TEX19: variants seen among roughly 807,000 people sequenced by gnomAD.
TEX19 encodes the protein testis-expressed protein 19.
For missense variants in TEX19, 184 were observed against 194.4 expected (o/e 0.95, Z 0.32); for synonymous variants, 77 against 73.9 (o/e 1.04, Z -0.21).
chr17:82,359,890 C>T (rs1377931790), intron 1 of TEX19, among the ~76,000 whole-genome samples: 1 of 142,752 alleles, frequency 7.0e-6, no homozygotes, highest in Non-Finnish European at 1.5e-5. Flanking sequence ...CCCTCGGGTT[C>T]CCCCAGTTTC....
chr17:82,361,879 G>T lies in TEX19; in HGVS notation c.-271-1G>T. 1.3e-6 allele frequency: 1 copy of T among 761,668 alleles called. No homozygotes were observed. Among genetic ancestry groups the T allele is most frequent in the South Asian group, 2.8e-5 (1 of 36,226 alleles). The allele number at this position is 761,668 out of a possible 1,614,324, so 47.2% of individuals were successfully genotyped here. On this transcript the variant is annotated splice_acceptor_variant, in intron 1 of 1. Transcript: ENST00000333437. LOFTEE classifies it low-confidence loss of function (5UTR_SPLICE). ...TAACCTCCCTTCCTTTGCCTTTCCAGCTCTCCTGAGACCACAGCAACTGCA... is the reference window on the plus strand; with the variant it reads ...TAACCTCCCTTCCTTTGCCTTTCCATCTCTCCTGAGACCACAGCAACTGCA...
At position 82,362,064 on chromosome 17, in the gene TEX19, G is replaced by A. The variant is rs1242036167; in HGVS notation, c.-87G>A. 25 of 1,500,708 alleles carry A rather than the reference G, an allele frequency of 1.7e-5. No individual in the cohort carries two copies. The East Asian group carries it at 5.4e-4, about 33-fold the overall frequency. 93.0% of individuals were successfully genotyped at this position (1,500,708 alleles called of 1,614,324 possible). On this transcript the variant is annotated 5_prime_UTR_variant, in exon 2 of 2. Coordinates refer to ENST00000333437, the MANE Select transcript of TEX19 (RefSeq NM_207459.4). The surrounding 1 kb of genome is among the most constrained non-coding windows in gnomAD (Gnocchi z 5.5). The stretch of plus-strand genomic sequence containing the variant: ...ATCCCTGCCGCCCAGCATCCTACTG[G>A]CCTCAGCACCTGTGGCCAGACCGTC...
At chr17:82,360,885 C>T (rs2052383621) in intron 1 of TEX19, among the ~76,000 whole-genome samples, 3 of 135,816 alleles carry the variant, frequency 2.2e-5, no homozygotes, top group East Asian at 2.3e-4. Flanking sequence ...CAGGTTCCCT[C>T]AGTTTCCCCC....
At position 82,362,282 on chromosome 17, in the gene TEX19, C is replaced by G; in HGVS notation, c.132C>G (p.Asp44Glu). Residue 44 changes from aspartate (D) to glutamate (E), a missense_variant, in exon 2 of 2, where the codon GAC becomes GAG. By Grantham distance (45) the Asp-to-Glu change is conservative (BLOSUM62 2). Transcript: ENST00000333437. The surrounding 1 kb of genome is among the most constrained non-coding windows in gnomAD (Gnocchi z 5.5). The part of the protein sequence containing the change: ...CFTCFKAAFL[D>E]FKDLLESEDW... The stretch of plus-strand genomic sequence containing the variant: ...CCTGCTTCAAGGCTGCCTTTCTAGA[C>G]TTTAAAGACTTGCTGGAGTCAGAGG... The G allele has an allele frequency of 6.2e-7, 1 of 1,614,030 alleles. No homozygotes were observed. Among genetic ancestry groups the G allele is most frequent in the Non-Finnish European group, 8.5e-7 (1 of 1,179,994 alleles).
At position 82,362,330 on chromosome 17, in the gene TEX19, C is replaced by T. The variant is rs781165549; in HGVS notation, c.180C>T (p.Asp60=). The part of the protein sequence containing the change: ...ESEDWEEDNW[D]PELMEHTEAE... Reference sequence around the variant, plus strand: ...AGGACTGGGAAGAAGACAACTGGGACCCTGAGCTGATGGAGCACACTGAGG... The same window carrying T: ...AGGACTGGGAAGAAGACAACTGGGATCCTGAGCTGATGGAGCACACTGAGG... The change falls in exon 2 of 2, where the codon GAC becomes GAT. Residue 60 remains aspartate, a synonymous_variant. Coordinates refer to ENST00000333437, the MANE Select transcript of TEX19 (RefSeq NM_207459.4). This position sits in a 1 kb window ranked among gnomAD's most constrained non-coding sequence, Gnocchi z 5.5. 9 of 1,613,866 alleles carry T rather than the reference C, an allele frequency of 5.6e-6. No homozygotes were observed. The highest frequency in any genetic ancestry group is 6.8e-6 in the Non-Finnish European group (8 of 1,180,042).
chr17:82,360,270 A>T (rs111219129), intron 1 of TEX19, among the ~76,000 whole-genome samples: 2 of 91,856 alleles, frequency 2.2e-5, no homozygotes, highest in African/African-American at 4.7e-5. Flanking sequence ...AGGTTCCCTC[A>T]GGTTCCCCCA....
intron 1 of TEX19, 58 bp from the exon 2 acceptor site, chr17:82,361,822 A>G (rs1450864027): frequency 2.7e-6 from 3 of 1,091,220 alleles, no homozygotes; most frequent in Non-Finnish European, 2.3e-6. Flanking sequence ...TGGTCCCCAC[A>G]GTTTGCCCCC....
rs201286326 is a variant in TEX19 at position 82,359,526 on chromosome 17, C to CA, written c.-272+242dup. Among the ~76,000 whole-genome samples the CA allele has an allele frequency of 3.8e-4, 49 of 127,480 alleles. 1 individual carries two copies. Among genetic ancestry groups the CA allele is most frequent in the African/African-American group, 1.3e-3 (43 of 32,028 alleles). The allele number at this position is 127,480 out of a possible 152,430, so 83.6% of individuals were successfully genotyped here. ...TCCCTCAGTTTCCCTCAGGTTCCCT[C>CA]AGTTTCCCTCAGGTTCCCTCAGTTT... On this transcript the variant is annotated intron_variant, in intron 1 of 1. Transcript: ENST00000333437.
intron 1 of TEX19, among the ~76,000 whole-genome samples, 153 bp downstream of exon 1, chr17:82,359,438 G>T (rs551068272): frequency 5.6e-4 from 75 of 132,900 alleles, no homozygotes; most frequent in Non-Finnish European, 8.0e-4. Flanking sequence ...GTTCCCTAAG[G>T]TTCTCCAAGT....
At chr17:82,359,916 GTTTCCCTCA>G (rs1329864508) in intron 1 of TEX19, among the ~76,000 whole-genome samples, 80 of 114,798 alleles carry the variant, frequency 7.0e-4, no homozygotes, top group Non-Finnish European at 9.0e-4. Context: ...GGTTCCCCCA[GTTTCCCTCA>G]GTTTCCCTCA....
chr17:82,361,580 G>A, intron 1 of TEX19: 1 of 978,166 alleles, frequency 1.0e-6, no homozygotes, highest in African/African-American at 1.8e-5. Context: ...TTTCCTTCAG[G>A]TTCCCTCAAT....
Position 82,362,262 on chromosome 17 carries a change from T to C in TEX19, c.112T>C (p.Phe38Leu), listed in dbSNP as rs1346035716. 2 of 1,614,062 alleles carry C rather than the reference T, an allele frequency of 1.2e-6. No homozygotes were observed. Among genetic ancestry groups the C allele is most frequent in the South Asian group, 2.2e-5 (2 of 91,090 alleles). The change falls in exon 2 of 2, where the codon TTC becomes CTC. Residue 38 changes from phenylalanine to leucine, a missense_variant. By Grantham distance (22) the Phe-to-Leu change is conservative. Coordinates refer to ENST00000333437, the MANE Select transcript of TEX19 (RefSeq NM_207459.4). This position sits in a 1 kb window ranked among gnomAD's most constrained non-coding sequence, Gnocchi z 5.5. ...GDQLSICFTC[F>L]KAAFLDFKDL... Reference sequence around the variant, plus strand: ...TCAGCTAAGCATTTGCTTCACCTGCTTCAAGGCTGCCTTTCTAGACTTTAA... The same window carrying C: ...TCAGCTAAGCATTTGCTTCACCTGCCTCAAGGCTGCCTTTCTAGACTTTAA...
At chr17:82,359,515 T>C (rs1165562876) in intron 1 of TEX19, among the ~76,000 whole-genome samples, 4 of 82,276 alleles carry the variant, frequency 4.9e-5, no homozygotes, top group African/African-American at 1.9e-4. Flanking sequence ...TCAGTTTCCC[T>C]CAGGTTCCCT....
At chr17:82,360,568 C>A (rs2052378630) in intron 1 of TEX19, among the ~76,000 whole-genome samples, 1 of 117,200 alleles carries the variant, frequency 8.5e-6, no homozygotes, top group African/African-American at 3.6e-5. Context: ...CCTCAAGTTT[C>A]CCTCAGGTTC....
In TEX19 at chr17:82,362,306, G is replaced by C. The variant is rs777443933; in HGVS notation, c.156G>C (p.Glu52Asp). 1 of 1,614,026 alleles carries C rather than the reference G, an allele frequency of 6.2e-7. No individual in the cohort carries two copies. The highest frequency in any genetic ancestry group is 1.7e-5 in the Admixed American group (1 of 60,036). The change falls in exon 2 of 2, where the codon GAG becomes GAC. Residue 52 changes from glutamate to aspartate, a missense_variant. Glu to Asp is a conservative substitution (Grantham distance 45, BLOSUM62 2). Transcript: ENST00000333437. The surrounding 1 kb of genome is among the most constrained non-coding windows in gnomAD (Gnocchi z 5.5). Reference sequence around the variant, plus strand: ...ACTTTAAAGACTTGCTGGAGTCAGAGGACTGGGAAGAAGACAACTGGGACC... The same window carrying C: ...ACTTTAAAGACTTGCTGGAGTCAGACGACTGGGAAGAAGACAACTGGGACC... The part of the protein sequence containing the change: ...FLDFKDLLES[E>D]DWEEDNWDPE...
chr17:82,359,367 GCGGGGCCAGGATT>G (rs1388986859), intron 1 of TEX19, 82 bp downstream of exon 1: 1 of 152,474 alleles, frequency 6.6e-6, no homozygotes, highest in Non-Finnish European at 1.5e-5. Flanking sequence ...GGAGGCTGAA[GCGGGGCCAGGATT>G]CCTCAGGTTC....
rs2052407319 is a variant in TEX19 at position 82,362,829 on chromosome 17, C to T, written c.*184C>T. The T allele has an allele frequency of 1.4e-6, 1 of 698,180 alleles. No individual in the cohort carries two copies. The highest frequency in any genetic ancestry group is 1.8e-5 in the African/African-American group (1 of 55,320). 43.2% of individuals were successfully genotyped at this position (698,180 alleles called of 1,614,324 possible). On this transcript the variant is annotated 3_prime_UTR_variant, in exon 2 of 2. Transcript: ENST00000333437. This position sits in a 1 kb window ranked among gnomAD's most constrained non-coding sequence, Gnocchi z 5.5. The stretch of plus-strand genomic sequence containing the variant: ...GACCCCAGACAGGGCCCTGAGGACC[C>T]CAGGGCAGCACTGGAAATTGCTGCT...
In TEX19 at chr17:82,362,610, A is replaced by ACCTGCT. The variant is rs2052405385; in HGVS notation, c.462_467dup (p.Cys155_Ser156dup). 6.4e-7 allele frequency: 1 copy of ACCTGCT among 1,572,812 alleles called. No homozygotes were observed. On this transcript the variant is annotated inframe_insertion, in exon 2 of 2. Coordinates refer to ENST00000333437, the MANE Select transcript of TEX19 (RefSeq NM_207459.4). The surrounding 1 kb of genome is among the most constrained non-coding windows in gnomAD (Gnocchi z 5.5). ...TCCCTGGAGATTTGAGGAGCTTCTT[A>ACCTGCT]CCTGCTCACACTGGCCAAGCTTCTT... is the stretch of plus-strand genomic sequence containing the variant.
In TEX19 at chr17:82,362,928, A is replaced by T. The variant is rs2052408035; in HGVS notation, c.*283A>T. Reference sequence around the variant, plus strand: ...GCAGGACCTGCACTGGTGGATGCTGAGCATTCTAGAAACATCGTTAACAGG... The same window carrying T: ...GCAGGACCTGCACTGGTGGATGCTGTGCATTCTAGAAACATCGTTAACAGG... On this transcript the variant is annotated 3_prime_UTR_variant, in exon 2 of 2. Coordinates refer to ENST00000333437, the MANE Select transcript of TEX19 (RefSeq NM_207459.4). The surrounding 1 kb of genome is among the most constrained non-coding windows in gnomAD (Gnocchi z 5.5). 2.5e-6 allele frequency: 1 copy of T among 394,188 alleles called. No individual in the cohort carries two copies. Among genetic ancestry groups the T allele is most frequent in the Non-Finnish European group, 4.7e-6 (1 of 212,870 alleles). The allele number at this position is 394,188 out of a possible 1,614,324, so 24.4% of individuals were successfully genotyped here.
Sources: gnomAD v4.1 joint callset for allele counts (sites outside exome capture counted in the v4.1 genomes callset) on GRCh38, gnomAD v4.1.1 for gene constraint, Gnocchi (gnomAD v3.1) non-coding constraint, MANE v1.5 for transcripts, NCBI Gene and HGNC (gene_info 2026-07-23, HGNC 2026-07-21) for gene names.